The following ANKRD60 variants were observed in gnomAD, a reference collection of about 807,000 sequenced individuals.
ANKRD60 encodes ankyrin repeat domain 60.
In ANKRD60, 24 loss-of-function variants were observed where a neutral mutation model predicts 21.3. That is an observed-to-expected ratio of 1.13 (90% CI 0.82 to 1.59). The LOEUF (loss-of-function observed/expected upper bound fraction) is 1.59. ANKRD60 is among the 40% of genes most tolerant of loss of function. The pLI, the probability that ANKRD60 is intolerant of heterozygous loss-of-function variation, is 0.00. For synonymous variants in ANKRD60, 182 were observed against 199.4 expected (o/e 0.91, Z 0.74); for missense variants, 490 against 466.7 (o/e 1.05, Z -0.46).
intron 2 of ANKRD60, among the ~76,000 whole-genome samples, chr20:58,221,767 T>A (rs1165840948): frequency 6.6e-6 from 1 of 152,016 alleles, no homozygotes; most frequent in Non-Finnish European, 1.5e-5. Context: ...TTCCTGTCAA[T>A]GTTTTGAAGA....
intron 1 of ANKRD60, among the ~76,000 whole-genome samples, chr20:58,224,901 G>T (rs1312413692): frequency 6.6e-6 from 1 of 152,178 alleles, no homozygotes; most frequent in African/African-American, 2.4e-5. Flanking sequence ...GACAACAGAC[G>T]TGTAAGGGCA....
Position 58,228,136 on chromosome 20 carries a change from G to A in ANKRD60, c.430+88C>T, listed in dbSNP as rs921834518. 7.6e-6 allele frequency: 10 copies of A among 1,322,880 alleles called. No individual in the cohort carries two copies. The highest frequency in any genetic ancestry group is 1.5e-5 in the African/African-American group (1 of 66,942). 81.9% of individuals were successfully genotyped at this position (1,322,880 alleles called of 1,614,324 possible). ...TGCTTTGACATCTGGGGTTTCTCAC[G>A]TAAGCAGGCTTCCCTTTGGGAATCC... On this transcript the variant is annotated intron_variant, in intron 1 of 3. Transcript: ENST00000457363. The surrounding 1 kb of genome is among the most constrained non-coding windows in gnomAD (Gnocchi z 5.3).
chr20:58,227,375 G>C (rs1324996918), intron 1 of ANKRD60, among the ~76,000 whole-genome samples: 1 of 151,936 alleles, frequency 6.6e-6, no homozygotes, highest in African/African-American at 2.4e-5. Flanking sequence ...TTTTGATTTG[G>C]CATCCTTGCA....
At chr20:58,216,993 G>T (rs1984149709), downstream of ANKRD60, among the ~76,000 whole-genome samples, 2 of 152,238 alleles carry the variant, frequency 1.3e-5, no homozygotes, top group South Asian at 4.1e-4. Context: ...GCTCCAGAGA[G>T]ATTTTGGTTG....
At chr20:58,222,351 T>A in intron 2 of ANKRD60, among the ~76,000 whole-genome samples, 1 of 152,074 alleles carries the variant, frequency 6.6e-6, no homozygotes, top group East Asian at 1.9e-4. Flanking sequence ...GCCCACGCAC[T>A]CTTCCAAGAG....
At chr20:58,221,621 G>T in intron 2 of ANKRD60, 118 bp from the exon 3 acceptor site, 2 of 1,189,180 alleles carry the variant, frequency 1.7e-6, no homozygotes, top group Non-Finnish European at 2.3e-6. Flanking sequence ...GGCTCATGAT[G>T]GGAAAAGAGA....
At chr20:58,221,484 G>A (rs766176302) in exon 3 of ANKRD60, 1 of 1,551,778 alleles carries the variant, frequency 6.4e-7, no homozygotes, top group South Asian at 1.2e-5. Flanking sequence ...GGAATCTTCA[G>A]TAAGCCCGAG....
rs143601435 is a variant in ANKRD60, at chr20:58,222,094, C to A, written c.562-591G>T. 6.6e-4 allele frequency among the ~76,000 whole-genome samples: 101 copies of A among 152,250 alleles called. 1 individual carries two copies. Among genetic ancestry groups the A allele is most frequent in the Middle Eastern group, 6.8e-3 (2 of 294 alleles). On this transcript the variant is annotated intron_variant, in intron 2 of 3. Coordinates refer to ENST00000457363, the Ensembl canonical transcript of ANKRD60. ...ACTGGGGCAGTGGGAGGATCAGAAT[C>A]GAGACGAGGATGATGGCAATTCTGA...
intron 1 of ANKRD60, among the ~76,000 whole-genome samples, chr20:58,224,452 G>A (rs1568837816): frequency 6.6e-6 from 1 of 152,172 alleles, no homozygotes; most frequent in Non-Finnish European, 1.5e-5. Flanking sequence ...AGGTAGGTTT[G>A]TTAACTCCAT....
chr20:58,216,976 T>G (rs1385091333), downstream of ANKRD60, among the ~76,000 whole-genome samples: 1 of 152,236 alleles, frequency 6.6e-6, no homozygotes, highest in Non-Finnish European at 1.5e-5. Context: ...CATCAGAGTC[T>G]TGGATTGCTC....
chr20:58,225,077 ACTTTCTGT>A (rs1476660709), intron 1 of ANKRD60, among the ~76,000 whole-genome samples: 1 of 152,190 alleles, frequency 6.6e-6, no homozygotes, highest in African/African-American at 2.4e-5. Context: ...AATGAGTAGC[ACTTTCTGT>A]CTTTCTTGTT....
downstream of ANKRD60, among the ~76,000 whole-genome samples, chr20:58,216,701 A>G (rs912730380): frequency 6.6e-6 from 1 of 152,258 alleles, no homozygotes; most frequent in Non-Finnish European, 1.5e-5. Context: ...CACAGATCTT[A>G]CTTGCTATGA....
rs1984307824 is a variant in ANKRD60, at chr20:58,223,668, G to C, written c.431-486C>G. ...ATCTTTCAAATTGAAGCGTGGGAGG[G>C]ATTTTTCCACCTTGGCACTGCTGAC... On this transcript the variant is annotated intron_variant, in intron 1 of 3. Transcript: ENST00000457363. Among the ~76,000 whole-genome samples, 9 of 152,306 alleles carry C rather than the reference G, an allele frequency of 5.9e-5. No individual in the cohort carries two copies. The South Asian group carries it at 1.9e-3, about 32-fold the overall frequency.
chr20:58,228,081 G>A lies in ANKRD60; in HGVS notation c.430+143C>T. 1 of 802,982 alleles carries A rather than the reference G, an allele frequency of 1.2e-6. No homozygotes were observed. Among genetic ancestry groups the A allele is most frequent in the Non-Finnish European group, 1.9e-6 (1 of 520,902 alleles). The allele number at this position is 802,982 out of a possible 1,614,324, so 49.7% of individuals were successfully genotyped here. On this transcript the variant is annotated intron_variant, in intron 1 of 3. Coordinates refer to ENST00000457363, the Ensembl canonical transcript of ANKRD60. The surrounding 1 kb of genome is among the most constrained non-coding windows in gnomAD (Gnocchi z 5.3). Reference sequence around the variant, plus strand: ...AGGACCCTAAGTGGCCCTTCCATCTGGGTTTCAGGGTGGTTGGGTTTCAGG... The same window carrying A: ...AGGACCCTAAGTGGCCCTTCCATCTAGGTTTCAGGGTGGTTGGGTTTCAGG...
At chr20:58,217,665 C>A (rs182910866), downstream of ANKRD60, among the ~76,000 whole-genome samples, 14 of 151,950 alleles carry the variant, frequency 9.2e-5, 1 homozygote, top group African/African-American at 3.1e-4. Context: ...TCCTGCAATG[C>A]GGTATAAGGT....
At chr20:58,218,340 C>G (rs1425394876), downstream of ANKRD60, among the ~76,000 whole-genome samples, 7 of 152,326 alleles carry the variant, frequency 4.6e-5, no homozygotes, top group East Asian at 1.4e-3. Context: ...TCAACACCCT[C>G]CAGAAATCAT....
At chr20:58,222,667 C>A (rs1001097610) in intron 2 of ANKRD60, among the ~76,000 whole-genome samples, 5 of 152,212 alleles carry the variant, frequency 3.3e-5, no homozygotes, top group African/African-American at 1.2e-4. Context: ...CCAGGCAGCA[C>A]CTGGCGGAGG....
chr20:58,218,710 G>A lies in ANKRD60; in HGVS notation c.823C>T (p.His275Tyr), dbSNP rs191973062. 11 of 1,551,674 alleles carry A rather than the reference G, an allele frequency of 7.1e-6. No homozygotes were observed. In the East Asian group the frequency reaches 2.7e-4, roughly 38 times the overall value. The change falls in exon 4 of 4, where the codon CAC (histidine) becomes TAC (tyrosine). Residue 275 changes from histidine to tyrosine, a missense_variant. His to Tyr is a moderately conservative substitution (Grantham distance 83). Transcript: ENST00000457363. ...TCTCTGTCGTGGATGGAGGCCCCGT[G>A]CTGGAGCAGGAGGATTATACAGTCT...
At chr20:58,227,584 G>A (rs1400816420) in intron 1 of ANKRD60, among the ~76,000 whole-genome samples, 1 of 152,042 alleles carries the variant, frequency 6.6e-6, no homozygotes, top group Admixed American at 6.5e-5. Flanking sequence ...CTAGAGATTT[G>A]GGGTTCGGTG....
Sources: gnomAD v4.1 joint callset for allele counts (sites outside exome capture counted in the v4.1 genomes callset) on GRCh38, gnomAD v4.1.1 for gene constraint, Gnocchi (gnomAD v3.1) non-coding constraint, MANE v1.5 for transcripts, NCBI Gene and HGNC (gene_info 2026-07-23, HGNC 2026-07-21) for gene names.